The following CRTAC1 variants were observed in gnomAD, a reference collection of about 807,000 sequenced individuals.
CRTAC1 encodes the protein cartilage acidic protein 1.
Under a neutral mutation model 67.8 loss-of-function variants are expected in CRTAC1, and 37 were observed. That is an observed-to-expected ratio of 0.55 (90% CI 0.42 to 0.72). The LOEUF (loss-of-function observed/expected upper bound fraction) is 0.72. CRTAC1 is among the 30% of genes least tolerant of loss of function. The pLI is 0.00. For missense variants in CRTAC1, 780 were observed against 931.6 expected (o/e 0.84, Z 2.12); for synonymous variants, 348 against 371.0 (o/e 0.94, Z 0.71).
At chr10:97,946,431 C>G (rs1162269809) in intron 2 of CRTAC1, among the ~76,000 whole-genome samples, 1 of 152,302 alleles carries the variant, frequency 6.6e-6, no homozygotes, top group East Asian at 1.9e-4. Context: ...AGACTCACAT[C>G]TCAGCTTCAG....
intron 2 of CRTAC1, among the ~76,000 whole-genome samples, chr10:97,988,686 C>G (rs1198380057): frequency 6.6e-6 from 1 of 152,190 alleles, no homozygotes; most frequent in South Asian, 2.1e-4. Flanking sequence ...CATCATTGCA[C>G]TCCAGCCTGG....
chr10:97,946,564 T>G (rs2051267793), intron 2 of CRTAC1, among the ~76,000 whole-genome samples: 1 of 152,182 alleles, frequency 6.6e-6, no homozygotes, highest in Non-Finnish European at 1.5e-5. Flanking sequence ...AGCCTGTGGT[T>G]GGTAGCTTTC....
chr10:97,980,012 C>A (rs1343289410), intron 2 of CRTAC1, among the ~76,000 whole-genome samples: 1 of 152,226 alleles, frequency 6.6e-6, no homozygotes, highest in Admixed American at 6.5e-5. Context: ...CTCTTTTAAC[C>A]AAGCTTGGGA....
chr10:97,964,144 A>G (rs956139890), intron 2 of CRTAC1, among the ~76,000 whole-genome samples: 8 of 152,176 alleles, frequency 5.3e-5, no homozygotes, highest in African/African-American at 1.9e-4. Context: ...CCAAGACAGA[A>G]TGAGCTACTT....
intron 5 of CRTAC1, among the ~76,000 whole-genome samples, chr10:97,914,296 C>T (rs1237640013): frequency 6.6e-6 from 1 of 152,154 alleles, no homozygotes; most frequent in Non-Finnish European, 1.5e-5. Context: ...GTACCTTGCA[C>T]AGTGCTCCCT....
chr10:97,895,444 T>C lies in CRTAC1; in HGVS notation c.1318-31A>G, dbSNP rs1250486574. ...GAGAGGGTGAGAGGCAGACACCCGGTGGGCATCAGCATGGTGGGTGGGAAG... is the reference window on the plus strand; with the variant it reads ...GAGAGGGTGAGAGGCAGACACCCGGCGGGCATCAGCATGGTGGGTGGGAAG... On this transcript the variant is annotated intron_variant, in intron 10 of 14. Coordinates refer to ENST00000370597, the MANE Select transcript of CRTAC1 (RefSeq NM_018058.7). The surrounding 1 kb of genome is among the most constrained non-coding windows in gnomAD (Gnocchi z 4.2). The C allele has an allele frequency of 4.5e-6, 7 of 1,554,312 alleles. No individual in the cohort carries two copies. The highest frequency in any genetic ancestry group is 4.6e-5 in the East Asian group (2 of 43,514).
At chr10:97,985,815 C>G (rs955516591) in intron 2 of CRTAC1, among the ~76,000 whole-genome samples, 1 of 152,172 alleles carries the variant, frequency 6.6e-6, no homozygotes, top group Admixed American at 6.5e-5. Flanking sequence ...GGTCCTGAGA[C>G]AGTAGCTGGC....
At chr10:98,018,506 A>G (rs906240580) in intron 1 of CRTAC1, among the ~76,000 whole-genome samples, 15 of 152,126 alleles carry the variant, frequency 9.9e-5, no homozygotes, top group African/African-American at 3.6e-4. Flanking sequence ...TTAGACATTA[A>G]TTGTGGGTTC....
At chr10:97,973,577 T>G (rs987622593) in intron 2 of CRTAC1, among the ~76,000 whole-genome samples, 1 of 152,126 alleles carries the variant, frequency 6.6e-6, no homozygotes, top group Admixed American at 6.5e-5. Flanking sequence ...CACTGAAACT[T>G]TTCTCCTAGA....
At chr10:97,882,921 T>TGTGGTTAGGGTGAC in intron 12 of CRTAC1, 93 bp from the exon 13 acceptor site, 2 of 1,303,924 alleles carry the variant, frequency 1.5e-6, no homozygotes, top group Non-Finnish European at 2.2e-6. Context: ...GTTGTCACCC[T>TGTGGTTAGGGTGAC]AACCACAGTG....
At chr10:97,957,168 C>T (rs995364399) in intron 2 of CRTAC1, among the ~76,000 whole-genome samples, 1 of 151,978 alleles carries the variant, frequency 6.6e-6, no homozygotes, top group African/African-American at 2.4e-5. Flanking sequence ...GTGGGCGATG[C>T]TTTAAAAAGA....
intron 2 of CRTAC1, among the ~76,000 whole-genome samples, chr10:97,992,703 T>A (rs1470994990): frequency 6.6e-6 from 1 of 152,142 alleles, no homozygotes; most frequent in Non-Finnish European, 1.5e-5. Flanking sequence ...GAAAGACAAA[T>A]ACCACATAAT....
chr10:97,899,169 G>C (rs1292419307), intron 8 of CRTAC1, among the ~76,000 whole-genome samples: 1 of 152,146 alleles, frequency 6.6e-6, no homozygotes, highest in Non-Finnish European at 1.5e-5. Flanking sequence ...CTGAGTGCCA[G>C]TCCCAGATGC....
At chr10:98,024,810 C>T (rs933135875) in intron 1 of CRTAC1, among the ~76,000 whole-genome samples, 6 of 129,682 alleles carry the variant, frequency 4.6e-5, no homozygotes, top group African/African-American at 1.7e-4. Context: ...CACACACACA[C>T]ACACACACAC....
At chr10:98,005,081 C>CATATAT (rs1321278482) in intron 2 of CRTAC1, among the ~76,000 whole-genome samples, 29 of 54,580 alleles carry the variant, frequency 5.3e-4, no homozygotes, top group East Asian at 2.6e-3. Flanking sequence ...TAAAGTAATA[C>CATATAT]ATATATATAT....
intron 2 of CRTAC1, among the ~76,000 whole-genome samples, chr10:97,998,020 G>T (rs1019682826): frequency 3.3e-5 from 5 of 152,196 alleles, no homozygotes; most frequent in African/African-American, 1.2e-4. Context: ...CAATAGGCTG[G>T]AGTGCAGTGG....
At chr10:97,988,132 T>C (rs61430130) in intron 2 of CRTAC1, among the ~76,000 whole-genome samples, 6,706 of 152,140 alleles carry the variant, frequency 0.044, 490 homozygotes, top group African/African-American at 0.15. Context: ...ACATTTGGTC[T>C]CTGGCTCCTG....
chr10:97,888,138 A>C (rs1277377986), intron 11 of CRTAC1, among the ~76,000 whole-genome samples: 1 of 152,194 alleles, frequency 6.6e-6, no homozygotes, highest in African/African-American at 2.4e-5. Flanking sequence ...CAGCCACCAT[A>C]TACCAAGCTT....
intron 2 of CRTAC1, among the ~76,000 whole-genome samples, chr10:97,946,098 C>T (rs1288728838): frequency 1.3e-5 from 2 of 152,214 alleles, no homozygotes; most frequent in African/African-American, 4.8e-5. Context: ...AAGACCATAA[C>T]TCCATTTCTC....
Sources: gnomAD v4.1 joint callset for allele counts (sites outside exome capture counted in the v4.1 genomes callset) on GRCh38, gnomAD v4.1.1 for gene constraint, Gnocchi (gnomAD v3.1) non-coding constraint, MANE v1.5 for transcripts, NCBI Gene and HGNC (gene_info 2026-07-23, HGNC 2026-07-21) for gene names.